The following SUPT20H variants were observed in gnomAD, a reference collection of about 807,000 sequenced individuals.
SUPT20H encodes transcription factor SPT20 homolog.
In SUPT20H, 82 loss-of-function variants were observed where a neutral mutation model predicts 122.8. The observed-to-expected ratio is 0.67, with a 90% CI of 0.56 to 0.80. The LOEUF is 0.80. Ranked by LOEUF, SUPT20H falls within the 30% of genes least tolerant of loss-of-function variation. The pLI is 0.00. For missense variants in SUPT20H, 831 were observed against 921.6 expected (o/e 0.90, Z 1.27); for synonymous variants, 291 against 313.0 (o/e 0.93, Z 0.74).
intron 23 of SUPT20H, among the ~76,000 whole-genome samples, chr13:37,014,090 G>C (rs1344530153): frequency 6.6e-6 from 1 of 151,800 alleles, no homozygotes; most frequent in Non-Finnish European, 1.5e-5. Flanking sequence ...AAAGGACTCA[G>C]GCTAAAACTA....
In SUPT20H at chr13:37,009,615, T is replaced by G. The variant is rs1197731369; in HGVS notation, c.*57A>C. On this transcript the variant is annotated 3_prime_UTR_variant, in exon 26 of 26. Transcript: ENST00000350612. ...AAAAAAACAAAAAGTAGAAACTCAA[T>G]TCTTTTGATTCAGTGCTCTTGTGTT... 1 of 1,602,246 alleles carries G rather than the reference T, an allele frequency of 6.2e-7. No individual in the cohort carries two copies. The highest frequency in any genetic ancestry group is 1.3e-5 in the African/African-American group (1 of 74,590).
chr13:37,058,006 G>A (rs1300920459), intron 1 of SUPT20H, among the ~76,000 whole-genome samples: 3 of 148,624 alleles, frequency 2.0e-5, no homozygotes, highest in Non-Finnish European at 3.0e-5. Flanking sequence ...TGGCTGGGGC[G>A]GTGGCTCAGG....
At chr13:37,027,460 T>C (rs559853284) in intron 14 of SUPT20H, among the ~76,000 whole-genome samples, 1 of 152,276 alleles carries the variant, frequency 6.6e-6, no homozygotes, top group East Asian at 1.9e-4. Context: ...GGGGTTGCTC[T>C]TTAAAATCCA....
chr13:37,021,296 A>G, intron 21 of SUPT20H, 152 bp downstream of exon 21: 1 of 851,996 alleles, frequency 1.2e-6, no homozygotes, highest in Non-Finnish European at 1.6e-6. Context: ...CAAATGCCAG[A>G]ACTTTTAAAG....
chr13:37,051,372 G>T, intron 2 of SUPT20H, 116 bp downstream of exon 2: 1 of 1,041,166 alleles, frequency 9.6e-7, no homozygotes, highest in Non-Finnish European at 1.4e-6. Context: ...TCCCAGTTGG[G>T]ATAACCTGTA....
chr13:37,024,102 T>A lies in SUPT20H; in HGVS notation c.1524A>T (p.Ser508=), dbSNP rs199987409. 49 of 1,613,842 alleles carry A rather than the reference T, an allele frequency of 3.0e-5. No homozygotes were observed. In the East Asian group the frequency reaches 1.1e-3, roughly 36 times the overall value. The change falls in exon 19 of 26, where the codon TCA becomes TCT. Residue 508 remains serine, a synonymous_variant. Transcript: ENST00000350612. ...SSKPSSIPRK[S]SVDLNQVSML... Reference sequence around the variant, plus strand: ...TGCTAACTTGATTGAGATCCACAGATGATTTCCGAGGAATACTTGATGGCT... The same window carrying A: ...TGCTAACTTGATTGAGATCCACAGAAGATTTCCGAGGAATACTTGATGGCT...
At chr13:37,041,954 G>A (rs2065545770) in intron 7 of SUPT20H, among the ~76,000 whole-genome samples, 1 of 152,132 alleles carries the variant, frequency 6.6e-6, no homozygotes. Context: ...CACAAGAAAC[G>A]GCCAGACACT....
chr13:37,040,421 T>C lies in SUPT20H; in HGVS notation c.551A>G (p.Asn184Ser), dbSNP rs770810161. ...ACAACTAACCTGGGTCCATTTGTGG[T>C]TATCACTTGTTATTGAATGTACATC... ...ICDVHSITSD[N>S]HKWTQEDKLL... The change falls in exon 9 of 26, where the codon AAC (asparagine) becomes AGC (serine). Residue 184 changes from asparagine (N) to serine (S), a missense_variant. Coordinates refer to ENST00000350612, the MANE Select transcript of SUPT20H (RefSeq NM_001014286.3). The C allele has an allele frequency of 1.3e-6, 2 of 1,575,562 alleles. No individual in the cohort carries two copies. Among genetic ancestry groups the C allele is most frequent in the South Asian group, 2.4e-5 (2 of 82,612 alleles).
intron 22 of SUPT20H, among the ~76,000 whole-genome samples, chr13:37,018,856 T>C (rs1373580385): frequency 6.6e-6 from 1 of 152,098 alleles, no homozygotes; most frequent in Non-Finnish European, 1.5e-5. Flanking sequence ...ACCATATTGC[T>C]CAGGCTGGTC....
rs199523785 is a variant in SUPT20H at position 37,026,212 on chromosome 13, A to G, written c.1203T>C (p.Asp401=). 2.6e-5 allele frequency: 40 copies of G among 1,549,142 alleles called. No individual in the cohort carries two copies. In the East Asian group the frequency reaches 7.1e-4, roughly 27 times the overall value. ...SNWFIIGSKT[D]AERVVNQYQE... is the part of the protein sequence containing the mutation. Reference sequence around the variant, plus strand: ...GATGCAAATATTTTTACCTCTCAGCATCGGTCTTTGATCCAATAATGAACC... The same window carrying G: ...GATGCAAATATTTTTACCTCTCAGCGTCGGTCTTTGATCCAATAATGAACC... Residue 401 remains aspartate, a synonymous_variant, in exon 16 of 26, where the codon GAT becomes GAC. Transcript: ENST00000350612.
Position 37,046,034 on chromosome 13 carries a change from T to G in SUPT20H, c.166-661A>C, listed in dbSNP as rs143543923. ...CTACTTACAGATTTAACAAATCATG[T>G]CATCAAATCTTATTTAGCAAAAATA... On this transcript the variant is annotated intron_variant, in intron 5 of 25. Transcript: ENST00000350612. Among the ~76,000 whole-genome samples the G allele has an allele frequency of 2.4e-3, 366 of 152,246 alleles. 3 individuals are homozygous for G. The highest frequency in any genetic ancestry group is 8.2e-3 in the African/African-American group (339 of 41,582).
intron 14 of SUPT20H, among the ~76,000 whole-genome samples, chr13:37,027,558 C>T (rs2062523779): frequency 6.6e-6 from 1 of 151,960 alleles, no homozygotes; most frequent in Non-Finnish European, 1.5e-5. Flanking sequence ...TTCTGCTGAG[C>T]TTCTTTTTTG....
chr13:37,056,357 A>G (rs13378317), intron 1 of SUPT20H, among the ~76,000 whole-genome samples: 3,282 of 152,330 alleles, frequency 0.022, 109 homozygotes, highest in African/African-American at 0.074. Context: ...AAAGACTTGG[A>G]ACCAACCCAA....
At position 37,053,167 on chromosome 13, in the gene SUPT20H, G is replaced by A. The variant is rs1028512615; in HGVS notation, c.-93-1584C>T. On this transcript the variant is annotated intron_variant, in intron 1 of 25. Coordinates refer to ENST00000350612, the MANE Select transcript of SUPT20H (RefSeq NM_001014286.3). ...TGTTTGACCCAGCAATCCCATTACT[G>A]GGTATATACCAAAGGATTATAAATC... Among the ~76,000 whole-genome samples, 9 of 152,186 alleles carry A rather than the reference G, an allele frequency of 5.9e-5. No individual in the cohort carries two copies. The South Asian group carries it at 1.5e-3, about 25-fold the overall frequency.
chr13:37,021,429 T>C lies in SUPT20H; in HGVS notation c.1816+19A>G. On this transcript the variant is annotated intron_variant, in intron 21 of 25. Transcript: ENST00000350612. ...ATACTTTAATTTTTTTTAGAGGTTA[T>C]TATTTCCAACATTCTGACCTGCTTG... 1 of 1,579,124 alleles carries C rather than the reference T, an allele frequency of 6.3e-7. No homozygotes were observed. The highest frequency in any genetic ancestry group is 2.3e-5 in the East Asian group (1 of 44,332).
At chr13:37,042,471 C>T (rs576690342) in intron 7 of SUPT20H, among the ~76,000 whole-genome samples, 46 of 152,150 alleles carry the variant, frequency 3.0e-4, no homozygotes, top group African/African-American at 8.4e-4. Context: ...TGAAAACACA[C>T]ATGTTTATGG....
chr13:37,032,843 G>A (rs1470308009), intron 10 of SUPT20H, among the ~76,000 whole-genome samples: 5 of 152,104 alleles, frequency 3.3e-5, no homozygotes, highest in Non-Finnish European at 7.4e-5. Context: ...AATAAGCTTG[G>A]TTTGTTTCAA....
At position 37,009,825 on chromosome 13, in the gene SUPT20H, A is replaced by G. The variant is rs1290012658; in HGVS notation, c.2203-16T>C. 1.9e-6 allele frequency: 3 copies of G among 1,602,526 alleles called. No individual in the cohort carries two copies. Among genetic ancestry groups the G allele is most frequent in the South Asian group, 2.3e-5 (2 of 88,772 alleles). On this transcript the variant is annotated splice_polypyrimidine_tract_variant and intron_variant, in intron 25 of 25. Coordinates refer to ENST00000350612, the MANE Select transcript of SUPT20H (RefSeq NM_001014286.3). ...ATCGCAACTGCTGCAAAAGGGAGGG[A>G]AAAAAATCGAGTTATGTTAAATGCA...
chr13:37,029,483 G>A (rs1376768390), intron 13 of SUPT20H, among the ~76,000 whole-genome samples: 1 of 151,960 alleles, frequency 6.6e-6, no homozygotes, highest in Admixed American at 6.6e-5. Context: ...AGTGAGCCAA[G>A]ATCCCACCTC....
Sources: allele counts gnomAD v4.1 joint callset (sites outside exome capture counted in the v4.1 genomes callset), GRCh38; gene constraint gnomAD v4.1.1; transcripts MANE v1.5; gene names NCBI Gene and HGNC (gene_info 2026-07-23, HGNC 2026-07-21).